The following PTPRD variants were observed in gnomAD, a reference collection of about 807,000 sequenced individuals.
PTPRD encodes the protein protein tyrosine phosphatase receptor type D, also known as receptor-type tyrosine-protein phosphatase delta.
In PTPRD, 34 loss-of-function variants were observed where a neutral mutation model predicts 214.5. The observed-to-expected ratio is 0.16, with a 90% confidence interval of 0.12 to 0.21. PTPRD has a LOEUF of 0.21. Ranked by LOEUF, PTPRD falls within the 10% of genes least tolerant of loss-of-function variation. PTPRD has a pLI of 1.00. For missense variants in PTPRD, 2,545 were observed against 2,398.7 expected, an observed-to-expected ratio of 1.06 and a Z score of -1.27; for synonymous variants, 1,128 against 845.7, an observed-to-expected ratio of 1.33 and a Z score of -5.79.
intron 11 of PTPRD, among the ~76,000 whole-genome samples, chr9:8,745,594 C>G (rs1206392185): frequency 6.6e-6 from 1 of 152,050 alleles, no homozygotes; most frequent in South Asian, 2.1e-4. Flanking sequence ...AACTTGGTAC[C>G]TGTTATTATG....
intron 8 of PTPRD, among the ~76,000 whole-genome samples, chr9:9,507,697 T>A (rs2096602992): frequency 6.6e-6 from 1 of 151,436 alleles, no homozygotes; most frequent in Admixed American, 6.6e-5. Context: ...ATTTCTGCTG[T>A]AACAATGATT....
At chr9:9,402,955 T>C (rs1261695281) in intron 8 of PTPRD, among the ~76,000 whole-genome samples, 1 of 112,958 alleles carries the variant, frequency 8.9e-6, no homozygotes, top group African/African-American at 3.7e-5. Context: ...TCAACATTTG[T>C]CTAATAGGGA....
intron 7 of PTPRD, among the ~76,000 whole-genome samples, chr9:9,610,259 C>A (rs1046171387): frequency 6.6e-6 from 1 of 151,910 alleles, no homozygotes; most frequent in Non-Finnish European, 1.5e-5. Context: ...CATTATGCAG[C>A]CATTAAACAT....
intron 7 of PTPRD, among the ~76,000 whole-genome samples, chr9:9,589,913 T>G (rs1353150253): frequency 1.3e-5 from 2 of 151,928 alleles, no homozygotes; most frequent in Non-Finnish European, 2.9e-5. Flanking sequence ...GGTCATTATT[T>G]CTACAGGTCA....
intron 11 of PTPRD, among the ~76,000 whole-genome samples, chr9:9,015,310 T>C (rs1416701491): frequency 6.6e-6 from 1 of 152,046 alleles, no homozygotes; most frequent in Non-Finnish European, 1.5e-5. Context: ...ACGTTGCTGA[T>C]AAAATAGGTT....
intron 10 of PTPRD, among the ~76,000 whole-genome samples, chr9:9,153,400 T>C (rs2099878522): frequency 2.6e-5 from 4 of 152,168 alleles, no homozygotes. Flanking sequence ...TGTGAGGATG[T>C]ATGTTCTGAG....
chr9:10,356,815 G>A (rs973840499), intron 2 of PTPRD, among the ~76,000 whole-genome samples: 1 of 151,954 alleles, frequency 6.6e-6, no homozygotes, highest in Non-Finnish European at 1.5e-5. Flanking sequence ...GAGTAGCTGG[G>A]ATTACAGCTG....
chr9:9,129,652 T>TA (rs2099839555), intron 10 of PTPRD, among the ~76,000 whole-genome samples: 1 of 152,154 alleles, frequency 6.6e-6, no homozygotes, highest in Admixed American at 6.5e-5. Context: ...AACTATAAGA[T>TA]ACCTTACATC....
intron 11 of PTPRD, among the ~76,000 whole-genome samples, chr9:9,014,039 A>G (rs2154364189): frequency 6.6e-6 from 1 of 152,172 alleles, no homozygotes; most frequent in South Asian, 2.1e-4. Flanking sequence ...GATGTTCATA[A>G]TAAGTACTTG....
chr9:9,625,375 G>C (rs1051707025), intron 7 of PTPRD, among the ~76,000 whole-genome samples: 8 of 152,132 alleles, frequency 5.3e-5, no homozygotes, highest in Non-Finnish European at 1.0e-4. Flanking sequence ...TTATAACCTG[G>C]CGCATGCTGT....
At chr9:9,294,146 T>A (rs1952179613) in intron 9 of PTPRD, among the ~76,000 whole-genome samples, 1 of 151,582 alleles carries the variant, frequency 6.6e-6, no homozygotes, top group South Asian at 2.1e-4. Flanking sequence ...CTGGGAGGGA[T>A]GACATGAAAT....
intron 7 of PTPRD, among the ~76,000 whole-genome samples, chr9:9,633,893 C>CA (rs1439320508): frequency 1.3e-5 from 2 of 151,930 alleles, no homozygotes; most frequent in East Asian, 3.9e-4. Flanking sequence ...ATATCTTGCC[C>CA]AAAAAACCAC....
At chr9:8,699,288 A>T (rs1041674088) in intron 12 of PTPRD, among the ~76,000 whole-genome samples, 1 of 152,196 alleles carries the variant, frequency 6.6e-6, no homozygotes, top group African/African-American at 2.4e-5. Context: ...GGTTTCTTGC[A>T]GGGCCTTTCA....
intron 4 of PTPRD, among the ~76,000 whole-genome samples, chr9:9,978,921 C>A (rs1177494781): frequency 6.6e-6 from 1 of 151,888 alleles, no homozygotes; most frequent in East Asian, 1.9e-4. Context: ...AAAACAACAA[C>A]AACAAAAGAA....
chr9:9,476,660 C>CAT (rs1217499443), intron 8 of PTPRD, among the ~76,000 whole-genome samples: 1 of 152,170 alleles, frequency 6.6e-6, no homozygotes, highest in African/African-American at 2.4e-5. Context: ...CTCCTCTGCT[C>CAT]ATACTAATGA....
chr9:9,284,917 G>T (rs948617790), intron 9 of PTPRD, among the ~76,000 whole-genome samples: 1 of 151,778 alleles, frequency 6.6e-6, no homozygotes, highest in Admixed American at 6.6e-5. Flanking sequence ...CTCATTAAGT[G>T]TTAGCTATTT....
chr9:8,500,663 C>T (rs2097381751), intron 24 of PTPRD, 91 bp downstream of exon 24: 1 of 1,214,686 alleles, frequency 8.2e-7, no homozygotes, highest in Non-Finnish European at 1.1e-6. Context: ...AAAAGATGAG[C>T]AGAGAAAAAA....
At chr9:10,405,807 G>A (rs2098345264) in intron 2 of PTPRD, among the ~76,000 whole-genome samples, 1 of 150,948 alleles carries the variant, frequency 6.6e-6, no homozygotes, top group Non-Finnish European at 1.5e-5. Context: ...TCAATTCAAG[G>A]GAAGACGATA....
chr9:10,109,107 T>C (rs1431014989), intron 3 of PTPRD, among the ~76,000 whole-genome samples: 1 of 152,226 alleles, frequency 6.6e-6, no homozygotes. Context: ...CATGTTGCCA[T>C]ATTTTTAAGT....
Sources: allele counts gnomAD v4.1 joint callset (sites outside exome capture counted in the v4.1 genomes callset), GRCh38; gene constraint gnomAD v4.1.1; transcripts MANE v1.5; gene names NCBI Gene and HGNC (gene_info 2026-07-23, HGNC 2026-07-21).